The following KIF13B variants were observed in gnomAD, a reference collection of about 807,000 sequenced individuals.
KIF13B encodes kinesin family member 13B, also known as kinesin-like protein KIF13B.
A neutral mutation model predicts 222.0 loss-of-function variants in KIF13B; 127 were observed. That is an observed-to-expected ratio of 0.57 (90% CI 0.50 to 0.66). The LOEUF (loss-of-function observed/expected upper bound fraction) is 0.66. KIF13B is among the 30% of genes least tolerant of loss of function. The probability of loss-of-function intolerance (pLI) is 0.00; values close to 1 mark genes in which losing one functional copy is unlikely to be tolerated. For synonymous variants in KIF13B, 976 were observed against 919.0 expected (o/e 1.06, Z -1.12); for missense variants, 2,173 against 2,379.0 (o/e 0.91, Z 1.80).
intron 2 of KIF13B, among the ~76,000 whole-genome samples, chr8:29,241,538 G>A (rs1815777569): frequency 6.6e-6 from 1 of 152,140 alleles, no homozygotes; most frequent in Admixed American, 6.5e-5. Context: ...CTGGAGGTTG[G>A]GATTATTTTC....
At chr8:29,248,557 T>G (rs1243794279) in intron 1 of KIF13B, among the ~76,000 whole-genome samples, 1 of 152,126 alleles carries the variant, frequency 6.6e-6, no homozygotes, top group Non-Finnish European at 1.5e-5. Flanking sequence ...TTTCCCCTTA[T>G]AAAACCAGCA....
intron 38 of KIF13B, among the ~76,000 whole-genome samples, chr8:29,073,174 A>C (rs115739660): frequency 7.0e-6 from 1 of 142,006 alleles, no homozygotes; most frequent in Non-Finnish European, 1.5e-5. Context: ...TGAGGAGGGG[A>C]CAAAGGCTCC....
Position 29,188,638 on chromosome 8 carries a change from T to C in KIF13B, c.224-31A>G, listed in dbSNP as rs754131963. 1.6e-5 allele frequency: 23 copies of C among 1,447,582 alleles called. 1 individual carries two copies. In the South Asian group the frequency reaches 2.3e-4, roughly 15 times the overall value. 89.7% of individuals were successfully genotyped at this position (1,447,582 alleles called of 1,614,324 possible). On this transcript the variant is annotated intron_variant, in intron 4 of 39. Transcript: ENST00000524189. ...AGAGAGAGAATAAGAGAAAAGATATTTTAAGCCAAAACTACATATGAACAA... is the reference window on the plus strand; with the variant it reads ...AGAGAGAGAATAAGAGAAAAGATATCTTAAGCCAAAACTACATATGAACAA...
chr8:29,116,793 A>G, intron 31 of KIF13B, 38 bp downstream of exon 31: 1 of 1,566,444 alleles, frequency 6.4e-7, no homozygotes, highest in Non-Finnish European at 8.7e-7. Context: ...CTCAGGTCGC[A>G]ACTGTGGTTA....
chr8:29,073,631 A>G (rs1455362544), intron 38 of KIF13B, among the ~76,000 whole-genome samples: 1 of 152,228 alleles, frequency 6.6e-6, no homozygotes, highest in African/African-American at 2.4e-5. Flanking sequence ...TTTATATTAC[A>G]GGAATGGTCA....
At chr8:29,248,733 T>C (rs759612393) in intron 1 of KIF13B, among the ~76,000 whole-genome samples, 10 of 152,186 alleles carry the variant, frequency 6.6e-5, no homozygotes, top group Non-Finnish European at 1.3e-4. Context: ...CAAGAACTGA[T>C]ACAAGCTACA....
intron 10 of KIF13B, among the ~76,000 whole-genome samples, chr8:29,173,783 A>C (rs1812354941): frequency 6.6e-6 from 1 of 152,040 alleles, no homozygotes; most frequent in African/African-American, 2.4e-5. Context: ...GTCTCTACTA[A>C]AAATACAAAA....
intron 1 of KIF13B, among the ~76,000 whole-genome samples, chr8:29,255,587 T>C (rs986653621): frequency 2.0e-5 from 3 of 151,868 alleles, no homozygotes; most frequent in Non-Finnish European, 4.4e-5. Flanking sequence ...TAAAAAAAGG[T>C]ACCTACCCCT....
chr8:29,071,915 C>T lies in KIF13B; in HGVS notation c.4923G>A (p.Ala1641=), dbSNP rs1807303266. The change falls in exon 39 of 40, where the codon GCG becomes GCA. Residue 1641 remains alanine (A), a synonymous_variant. Transcript: ENST00000524189. The surrounding 1 kb of genome is among the most constrained non-coding windows in gnomAD (Gnocchi z 4.9). ...GRERPDLEAP[A]PGSPFRVRRV... ...TCCGGACGCGGAACGGGGAGCCGGG[C>T]GCCGGGGCCTCGAGGTCGGGGCGCT... 1.4e-6 allele frequency: 2 copies of T among 1,443,648 alleles called. No individual in the cohort carries two copies. The highest frequency in any genetic ancestry group is 1.5e-5 in the African/African-American group (1 of 65,456). 89.4% of individuals were successfully genotyped at this position (1,443,648 alleles called of 1,614,324 possible).
At chr8:29,251,489 G>GAT (rs1383596568) in intron 1 of KIF13B, among the ~76,000 whole-genome samples, 4 of 152,124 alleles carry the variant, frequency 2.6e-5, no homozygotes, top group African/African-American at 4.8e-5. Context: ...GAACCTTGAA[G>GAT]ATATCATGCT....
intron 2 of KIF13B, among the ~76,000 whole-genome samples, chr8:29,205,584 C>G (rs1269729639): frequency 6.6e-6 from 1 of 152,170 alleles, no homozygotes; most frequent in African/African-American, 2.4e-5. Context: ...TCTACACACC[C>G]CATTACATAA....
At chr8:29,202,172 C>T (rs1232887977) in intron 2 of KIF13B, among the ~76,000 whole-genome samples, 1 of 152,076 alleles carries the variant, frequency 6.6e-6, no homozygotes, top group East Asian at 1.9e-4. Flanking sequence ...GTAGCTGGAG[C>T]GGGTAAGATG....
intron 23 of KIF13B, among the ~76,000 whole-genome samples, chr8:29,131,011 C>T (rs1810318867): frequency 6.6e-6 from 1 of 152,150 alleles, no homozygotes; most frequent in African/African-American, 2.4e-5. Flanking sequence ...AAAATCATAT[C>T]CCTTGCAGCA....
At chr8:29,188,444 A>G in intron 5 of KIF13B, 71 bp downstream of exon 5, 1 of 945,228 alleles carries the variant, frequency 1.1e-6, no homozygotes, top group Non-Finnish European at 1.6e-6. Context: ...AATGTTACTC[A>G]GTAAAATAAA....
At chr8:29,125,428 G>A (rs777919841) in intron 26 of KIF13B, among the ~76,000 whole-genome samples, 2 of 152,134 alleles carry the variant, frequency 1.3e-5, no homozygotes, top group African/African-American at 2.4e-5. Flanking sequence ...AGAAACGTGC[G>A]ATGCATCTAC....
chr8:29,181,727 C>T (rs978004269), intron 7 of KIF13B, among the ~76,000 whole-genome samples, 192 bp downstream of exon 7: 16 of 152,174 alleles, frequency 1.1e-4, no homozygotes, highest in African/African-American at 3.6e-4. Context: ...ATTTAAAAGC[C>T]TCATCCTATT....
chr8:29,176,510 AT>A (rs1812483075), intron 9 of KIF13B, among the ~76,000 whole-genome samples: 1 of 152,222 alleles, frequency 6.6e-6, no homozygotes, highest in South Asian at 2.1e-4. Context: ...CAAAAATTGT[AT>A]ATATGAGATT....
rs118116665 is a variant in KIF13B at position 29,252,371 on chromosome 8, G to A, written c.56-6932C>T. Among the ~76,000 whole-genome samples the A allele has an allele frequency of 4.5e-3, 682 of 152,312 alleles. 1 individual carries two copies. The highest frequency in any genetic ancestry group is 0.011 in the South Asian group (51 of 4,820). ...TTACATAACTCATGTTCCATCTGGG[G>A]AAATGCATCATTCTCAGTTTGAACA... is the stretch of plus-strand genomic sequence containing the variant. On this transcript the variant is annotated intron_variant, in intron 1 of 39. Transcript: ENST00000524189.
intron 35 of KIF13B, among the ~76,000 whole-genome samples, chr8:29,104,667 G>A (rs906944353): frequency 1.3e-5 from 2 of 152,026 alleles, no homozygotes; most frequent in African/African-American, 4.8e-5. Context: ...CATTCCTTGG[G>A]ACATGACGTC....
Sources: allele counts gnomAD v4.1 joint callset (sites outside exome capture counted in the v4.1 genomes callset), GRCh38; gene constraint gnomAD v4.1.1; non-coding constraint Gnocchi (gnomAD v3.1); transcripts MANE v1.5; gene names NCBI Gene and HGNC (gene_info 2026-07-23, HGNC 2026-07-21).